The following UBE3D variants were observed in gnomAD, a reference collection of about 807,000 sequenced individuals.
The protein encoded by UBE3D is E3 ubiquitin-protein ligase E3D.
In UBE3D, 48 loss-of-function variants were observed where a neutral mutation model predicts 49.6. That is an observed-to-expected ratio of 0.97 (90% CI 0.77 to 1.23). The LOEUF (loss-of-function observed/expected upper bound fraction) is 1.23, where lower values mean the gene tolerates loss of function less well. Ranked by LOEUF, UBE3D falls within the 50% of genes most tolerant of loss-of-function variation. The probability of loss-of-function intolerance (pLI) is 0.00; values close to 1 mark genes in which losing one functional copy is unlikely to be tolerated. For missense variants in UBE3D, 452 were observed against 468.4 expected, an observed-to-expected ratio of 0.96 and a Z score of 0.32; for synonymous variants, 189 against 174.2, an observed-to-expected ratio of 1.08 and a Z score of -0.67.
chr6:82,907,879 T>C (rs1339918711), intron 9 of UBE3D, among the ~76,000 whole-genome samples: 1 of 152,138 alleles, frequency 6.6e-6, no homozygotes, highest in Non-Finnish European at 1.5e-5. Context: ...CAAAAAGATT[T>C]TACCAGAATA....
chr6:83,022,049 T>C (rs1232510954), intron 7 of UBE3D, among the ~76,000 whole-genome samples: 3 of 152,014 alleles, frequency 2.0e-5, no homozygotes. Flanking sequence ...TTTTTTAAGA[T>C]GGAGTCTTGC....
Position 83,009,843 on chromosome 6 carries a change from TCAAA to T in UBE3D, c.1010+9126_1010+9129del, listed in dbSNP as rs948151519. ...GAGTATACTTCATCACATTAAAAAATCAAACAAAGAATACTGAGCGAAAAAAATC... is the reference window on the plus strand; with the variant it reads ...GAGTATACTTCATCACATTAAAAAATCAAAGAATACTGAGCGAAAAAAATC... On this transcript the variant is annotated intron_variant, in intron 8 of 9. Coordinates refer to ENST00000369747, the MANE Select transcript of UBE3D (RefSeq NM_198920.3). 2.3e-4 allele frequency among the ~76,000 whole-genome samples: 34 copies of T among 150,034 alleles called. 1 individual carries two copies. The highest frequency in any genetic ancestry group is 7.6e-4 in the African/African-American group (31 of 40,844).
At chr6:83,036,115 C>A (rs2127799727) in intron 5 of UBE3D, 1 of 150,274 alleles carries the variant, frequency 6.7e-6, no homozygotes. Flanking sequence ...TCTTTGCCTC[C>A]CGGGTTCAAG....
At chr6:83,018,022 C>T (rs987449203) in intron 8 of UBE3D, 3 of 152,052 alleles carry the variant, frequency 2.0e-5, no homozygotes, top group African/African-American at 4.8e-5. Context: ...AGACAACAAA[C>T]GTTTTACTTC....
intron 8 of UBE3D, among the ~76,000 whole-genome samples, chr6:82,972,259 A>G (rs1197992994): frequency 1.3e-5 from 2 of 152,192 alleles, no homozygotes; most frequent in Admixed American, 1.3e-4. Context: ...GTTCTTTCAC[A>G]AGAGGGCACT....
intron 9 of UBE3D, among the ~76,000 whole-genome samples, chr6:82,946,754 T>C (rs1775432176): frequency 6.6e-6 from 1 of 152,014 alleles, no homozygotes; most frequent in African/African-American, 2.4e-5. Context: ...AAAAAGTTAA[T>C]TAAAAAGTGG....
At chr6:82,978,535 A>G (rs1464758444) in intron 8 of UBE3D, among the ~76,000 whole-genome samples, 4 of 152,202 alleles carry the variant, frequency 2.6e-5, no homozygotes, top group Non-Finnish European at 5.9e-5. Context: ...GCAGCCTCAT[A>G]AAAGTTTTAC....
At position 83,057,977 on chromosome 6, in the gene UBE3D, T is replaced by C. The variant is rs1414231659; in HGVS notation, c.123A>G (p.Pro41=). The C allele has an allele frequency of 1.2e-6, 2 of 1,614,214 alleles. No individual in the cohort carries two copies. Among genetic ancestry groups the C allele is most frequent in the Admixed American group, 1.7e-5 (1 of 60,020 alleles). The change falls in exon 2 of 10, where the codon CCA becomes CCG. Residue 41 remains proline (P), a synonymous_variant. Transcript: ENST00000369747. ...GGMPMNISIM[P]SSLQMKTPEG... Reference sequence around the variant, plus strand: ...CAGGGGTTTTCATCTGGAGTGAAGATGGCATTATGGAAATATTCATGGGCA... The same window carrying C: ...CAGGGGTTTTCATCTGGAGTGAAGACGGCATTATGGAAATATTCATGGGCA...
chr6:82,950,658 T>A (rs906518550), intron 9 of UBE3D, among the ~76,000 whole-genome samples: 1 of 152,154 alleles, frequency 6.6e-6, no homozygotes, highest in African/African-American at 2.4e-5. Context: ...CACTCCCATG[T>A]TTATTGCAAA....
intron 9 of UBE3D, among the ~76,000 whole-genome samples, chr6:82,950,702 G>A (rs555586007): frequency 3.9e-5 from 6 of 152,238 alleles, no homozygotes; most frequent in South Asian, 2.1e-4. Flanking sequence ...GGAAGCAACC[G>A]AAGTGTCCAT....
chr6:82,913,953 C>G, intron 9 of UBE3D, among the ~76,000 whole-genome samples: 1 of 152,178 alleles, frequency 6.6e-6, no homozygotes, highest in East Asian at 1.9e-4. Flanking sequence ...GGACTACTGA[C>G]TTCTCACTTT....
chr6:82,949,755 T>C (rs949880379), intron 9 of UBE3D, among the ~76,000 whole-genome samples: 6 of 151,502 alleles, frequency 4.0e-5, no homozygotes, highest in Non-Finnish European at 7.4e-5. Flanking sequence ...CAAGAACATA[T>C]AGTGGGGGAA....
At chr6:83,007,100 G>A in intron 8 of UBE3D, among the ~76,000 whole-genome samples, 1 of 152,098 alleles carries the variant, frequency 6.6e-6, no homozygotes, top group African/African-American at 2.4e-5. Context: ...TTTTTAAACT[G>A]TCTAAAGCTA....
At chr6:82,945,224 G>A (rs900476601) in intron 9 of UBE3D, among the ~76,000 whole-genome samples, 4 of 152,198 alleles carry the variant, frequency 2.6e-5, no homozygotes, top group Admixed American at 6.5e-5. Context: ...CCACAGGGGC[G>A]ATTGTGTCAC....
chr6:83,056,580 AC>A (rs1049158577), intron 2 of UBE3D, among the ~76,000 whole-genome samples: 3 of 152,030 alleles, frequency 2.0e-5, no homozygotes, highest in African/African-American at 7.3e-5. Flanking sequence ...TCTTTTCCCT[AC>A]CCTTTGTTCC....
intron 9 of UBE3D, among the ~76,000 whole-genome samples, chr6:82,952,481 G>A (rs1255829705): frequency 6.6e-6 from 1 of 151,772 alleles, no homozygotes; most frequent in Non-Finnish European, 1.5e-5. Context: ...CTGCAGTGCA[G>A]TGGCACAATC....
chr6:82,888,437 T>C (rs931690617), downstream of UBE3D, among the ~76,000 whole-genome samples: 47 of 151,972 alleles, frequency 3.1e-4, no homozygotes, highest in African/African-American at 9.7e-4. Flanking sequence ...TTTTAATCTA[T>C]GAAATGTTAA....
intron 8 of UBE3D, among the ~76,000 whole-genome samples, chr6:82,957,708 T>C (rs1224111367): frequency 2.0e-5 from 3 of 152,176 alleles, no homozygotes; most frequent in Non-Finnish European, 4.4e-5. Flanking sequence ...GCAGTCTTAG[T>C]TCTGTGGGAC....
At chr6:82,962,347 T>C (rs957695037) in intron 8 of UBE3D, among the ~76,000 whole-genome samples, 6 of 152,148 alleles carry the variant, frequency 3.9e-5, no homozygotes, top group African/African-American at 1.4e-4. Context: ...GACACTCAAA[T>C]AGAAATAAAA....
Sources: gnomAD v4.1 joint callset for allele counts (sites outside exome capture counted in the v4.1 genomes callset) on GRCh38, gnomAD v4.1.1 for gene constraint, MANE v1.5 for transcripts, NCBI Gene and HGNC (gene_info 2026-07-23, HGNC 2026-07-21) for gene names.